DAB1: variants seen among roughly 807,000 people sequenced by gnomAD.
The protein encoded by DAB1 is DAB adaptor protein 1.
A neutral mutation model predicts 64.6 loss-of-function variants in DAB1; 15 were observed. The ratio of observed to expected loss-of-function variants is 0.23; its 90% CI spans 0.16 to 0.36. The LOEUF is 0.36. DAB1 is among the 10% of genes least tolerant of loss of function. DAB1 has a pLI of 1.00. For synonymous variants in DAB1, 235 were observed against 251.9 expected (o/e 0.93, Z 0.64); for missense variants, 596 against 706.7 (o/e 0.84, Z 1.78).
chr1:57,250,647 C>A (rs1669263853), intron 2 of DAB1, among the ~76,000 whole-genome samples: 1 of 152,138 alleles, frequency 6.6e-6, no homozygotes, highest in African/African-American at 2.4e-5. Context: ...GAATCCATAG[C>A]TTTTCATAAT....
intron 2 of DAB1, among the ~76,000 whole-genome samples, chr1:57,285,302 CT>C (rs1441273290): frequency 6.6e-6 from 1 of 151,958 alleles, no homozygotes; most frequent in Non-Finnish European, 1.5e-5. Flanking sequence ...GAGTTTTGCT[CT>C]TTTTGCCCAG....
intron 2 of DAB1, among the ~76,000 whole-genome samples, chr1:57,171,298 A>G (rs1052086401): frequency 6.6e-6 from 1 of 152,220 alleles, no homozygotes; most frequent in African/African-American, 2.4e-5. Context: ...TTTAAATTTT[A>G]AAACTGCTCA....
chr1:57,706,873 G>C (rs1646972996), intron 6 of DAB1, among the ~76,000 whole-genome samples: 1 of 151,980 alleles, frequency 6.6e-6, no homozygotes, highest in Non-Finnish European at 1.5e-5. Context: ...AGGAGTTCGA[G>C]ACCAGACTGC....
chr1:57,361,844 C>T (rs1418451110), intron 1 of DAB1, among the ~76,000 whole-genome samples: 1 of 151,966 alleles, frequency 6.6e-6, no homozygotes, highest in Non-Finnish European at 1.5e-5. Flanking sequence ...CAAAAATCAC[C>T]AATACAGAGA....
At chr1:57,854,888 G>T (rs1393940839) in intron 1 of DAB1, among the ~76,000 whole-genome samples, 1 of 152,070 alleles carries the variant, frequency 6.6e-6, no homozygotes, top group East Asian at 1.9e-4. Flanking sequence ...TTGAACCTTA[G>T]ATACAAATCT....
At chr1:57,577,671 C>T (rs1313150811) in intron 7 of DAB1, among the ~76,000 whole-genome samples, 1 of 152,104 alleles carries the variant, frequency 6.6e-6, no homozygotes, top group African/African-American at 2.4e-5. Flanking sequence ...TCTTAATCCA[C>T]TCTAGGGGGA....
intron 3 of DAB1, among the ~76,000 whole-genome samples, chr1:57,141,743 A>G (rs1385417546): frequency 2.6e-5 from 4 of 152,132 alleles, no homozygotes; most frequent in Non-Finnish European, 4.4e-5. Flanking sequence ...CCATTTTGCC[A>G]CCGTCTCCGA....
At chr1:58,074,426 G>GT (rs1435061870) in intron 5 of DAB1, 4 of 144,640 alleles carry the variant, frequency 2.8e-5, no homozygotes, top group Non-Finnish European at 3.0e-5. Flanking sequence ...AAGAATAATT[G>GT]TAAGTATCCA....
chr1:57,750,288 C>T (rs1212771898), intron 6 of DAB1, among the ~76,000 whole-genome samples: 1 of 152,190 alleles, frequency 6.6e-6, no homozygotes, highest in Non-Finnish European at 1.5e-5. Context: ...CTCTCTCCTG[C>T]TTTATTTCTA....
At chr1:58,232,488 C>G (rs956199709) in intron 4 of DAB1, among the ~76,000 whole-genome samples, 2 of 47,758 alleles carry the variant, frequency 4.2e-5, no homozygotes. Flanking sequence ...CACACACACA[C>G]ACACACACAC....
intron 5 of DAB1, among the ~76,000 whole-genome samples, chr1:58,119,225 CGTGT>C (rs35994489): frequency 0.016 from 2,279 of 146,346 alleles, 34 homozygotes; most frequent in African/African-American, 0.039. Flanking sequence ...TGTGTGTGTG[CGTGT>C]GTGTGTGTGT....
rs142913050 is a variant in DAB1, at chr1:58,154,708, T to G, written n.310-4120A>C. Among the ~76,000 whole-genome samples, 150 of 150,846 alleles carry G rather than the reference T, an allele frequency of 9.9e-4. 2 individuals carry two copies. The East Asian group carries it at 0.028, about 28-fold the overall frequency. ...TAATTGTCAGAGCTCTGAAAGAGAG[T>G]AGGAGTTTGCCAGGTAGAGAAGAAG... On this transcript the variant is annotated intron_variant and non_coding_transcript_variant, in intron 4 of 20. Transcript: ENST00000485760.
chr1:58,301,468 T>C (rs1662167730), intron 4 of DAB1, among the ~76,000 whole-genome samples: 1 of 151,586 alleles, frequency 6.6e-6, no homozygotes, highest in African/African-American at 2.4e-5. Flanking sequence ...TAAACTTTCT[T>C]AGAACATTGT....
chr1:57,212,512 C>T (rs535399224), intron 2 of DAB1, among the ~76,000 whole-genome samples: 12 of 151,508 alleles, frequency 7.9e-5, no homozygotes, highest in South Asian at 2.1e-4. Context: ...GGACTACAGA[C>T]GGCTGCCACC....
intron 5 of DAB1, among the ~76,000 whole-genome samples, chr1:57,915,908 C>CT (rs1376199452): frequency 6.6e-6 from 1 of 152,170 alleles, no homozygotes; most frequent in Non-Finnish European, 1.5e-5. Flanking sequence ...TGATGGTACT[C>CT]TGTTAGGTCA....
intron 5 of DAB1, among the ~76,000 whole-genome samples, chr1:58,121,172 A>G (rs948282107): frequency 3.3e-5 from 5 of 152,098 alleles, no homozygotes; most frequent in African/African-American, 4.8e-5. Context: ...TCATGCCACA[A>G]GGTTCTTTTT....
intron 14 of DAB1, among the ~76,000 whole-genome samples, chr1:57,005,917 A>G (rs1341794332): frequency 6.6e-6 from 1 of 152,204 alleles, no homozygotes; most frequent in Non-Finnish European, 1.5e-5. Flanking sequence ...TATTATTAGT[A>G]AGTGAAAGGT....
intron 7 of DAB1, among the ~76,000 whole-genome samples, chr1:57,515,661 T>G (rs1644455673): frequency 6.6e-6 from 1 of 152,266 alleles, no homozygotes; most frequent in African/African-American, 2.4e-5. Flanking sequence ...CTACCATGCC[T>G]GATGGATGTC....
chr1:58,341,567 T>A (rs541507336), intron 4 of DAB1, among the ~76,000 whole-genome samples: 56 of 152,282 alleles, frequency 3.7e-4, no homozygotes, highest in African/African-American at 1.3e-3. Flanking sequence ...TACAGATAAG[T>A]GGAATACTCA....
Sources: gnomAD v4.1 joint callset for allele counts (sites outside exome capture counted in the v4.1 genomes callset) on GRCh38, gnomAD v4.1.1 for gene constraint, MANE v1.5 for transcripts, NCBI Gene and HGNC (gene_info 2026-07-23, HGNC 2026-07-21) for gene names.